DYDC2: variants seen among roughly 807,000 people sequenced by gnomAD.
DYDC2 encodes DPY30 domain-containing protein 2.
A neutral mutation model predicts 18.7 loss-of-function variants in DYDC2; 19 were observed. The observed-to-expected ratio is 1.02, with a 90% CI of 0.71 to 1.49. The LOEUF (loss-of-function observed/expected upper bound fraction) is 1.49. DYDC2 is among the 40% of genes most tolerant of loss of function. The probability of loss-of-function intolerance (pLI) is 0.00; values close to 1 mark genes in which losing one functional copy is unlikely to be tolerated. For synonymous variants in DYDC2, 63 were observed against 67.6 expected (o/e 0.93, Z 0.34); for missense variants, 179 against 205.1 (o/e 0.87, Z 0.78).
chr10:80,356,841 G>C lies in DYDC2; in HGVS notation c.-163+16G>C, dbSNP rs1251445947. On this transcript the variant is annotated intron_variant, in intron 1 of 4. Coordinates refer to ENST00000256039, the MANE Select transcript of DYDC2 (RefSeq NM_032372.6). ...GCGCGGATAGGTGAGCAGAGGGCACGCGGTGGGCAGCGAAGGGGGAACGCG... is the reference window on the plus strand; with the variant it reads ...GCGCGGATAGGTGAGCAGAGGGCACCCGGTGGGCAGCGAAGGGGGAACGCG... 1.0e-6 allele frequency: 1 copy of C among 985,782 alleles called. No homozygotes were observed. The highest frequency in any genetic ancestry group is 1.2e-6 in the Non-Finnish European group (1 of 830,496). 61.1% of individuals were successfully genotyped at this position (985,782 alleles called of 1,614,324 possible).
upstream of DYDC2, chr10:80,351,814 TG>T: frequency 3.4e-6 from 4 of 1,163,500 alleles, no homozygotes; most frequent in Non-Finnish European, 3.7e-6. Flanking sequence ...TAACTGGAGC[TG>T]GGAAGTTTAT....
upstream of DYDC2, among the ~76,000 whole-genome samples, chr10:80,354,940 T>C (rs1183748637): frequency 1.3e-5 from 2 of 151,970 alleles, no homozygotes; most frequent in South Asian, 2.1e-4. Flanking sequence ...ATGGAGCTTA[T>C]AGATGAGAAA....
Position 80,362,967 on chromosome 10 carries a change from T to A in DYDC2, c.164T>A (p.Ile55Asn). The change falls in exon 4 of 5, where the codon ATC becomes AAC. Residue 55 changes from isoleucine to asparagine, a missense_variant. Transcript: ENST00000256039. ...TCACCCCAGAATAGGGAAAAGAAGA[T>A]CCACCTGCAGGAGGAATATGACAGT... ...KAKEENREKK[I>N]HLQEEYDSSL... The A allele has an allele frequency of 2.5e-6, 4 of 1,613,466 alleles. No homozygotes were observed. The highest frequency in any genetic ancestry group is 3.4e-6 in the Non-Finnish European group (4 of 1,179,842).
intron 1 of DYDC2, among the ~76,000 whole-genome samples, chr10:80,349,494 T>G (rs1842861089): frequency 6.6e-6 from 1 of 152,216 alleles, no homozygotes; most frequent in Non-Finnish European, 1.5e-5. Flanking sequence ...AATAATAAAT[T>G]TTTACAAGTA....
At chr10:80,366,225 G>T in intron 4 of DYDC2, among the ~76,000 whole-genome samples, 1 of 151,876 alleles carries the variant, frequency 6.6e-6, no homozygotes, top group East Asian at 1.9e-4. Flanking sequence ...TAGAGACGGG[G>T]TTTCAGCATG....
chr10:80,353,351 A>G (rs992258985), upstream of DYDC2, among the ~76,000 whole-genome samples: 8 of 151,500 alleles, frequency 5.3e-5, no homozygotes, highest in Admixed American at 6.6e-5. Context: ...TTTAGTAGAG[A>G]CAGGGTTTCA....
At position 80,367,156 on chromosome 10, in the gene DYDC2, A is replaced by G. The variant is rs916693970; in HGVS notation, c.*205A>G. 5.4e-5 allele frequency: 31 copies of G among 573,376 alleles called. No individual in the cohort carries two copies. Among genetic ancestry groups the G allele is most frequent in the Middle Eastern group, 9.6e-4 (2 of 2,090 alleles). The allele number at this position is 573,376 out of a possible 1,614,324, so 35.5% of individuals were successfully genotyped here. A position where few individuals can be genotyped will look rare whatever the true frequency, so the allele number is the denominator to read the frequency against. On this transcript the variant is annotated 3_prime_UTR_variant, in exon 5 of 5. Coordinates refer to ENST00000256039, the MANE Select transcript of DYDC2 (RefSeq NM_032372.6). Reference sequence around the variant, plus strand: ...CTCAGAATAAGGATTTAAAATAAGTAACCAAGTGGCTGTGACTTTTTCCTC... The same window carrying G: ...CTCAGAATAAGGATTTAAAATAAGTGACCAAGTGGCTGTGACTTTTTCCTC...
chr10:80,347,712 C>T (rs1669993819), intron 1 of DYDC2, among the ~76,000 whole-genome samples: 1 of 152,136 alleles, frequency 6.6e-6, no homozygotes. Context: ...AAGAGACTAT[C>T]CTTTTCCCTT....
chr10:80,363,682 G>A (rs1028025528), intron 4 of DYDC2, among the ~76,000 whole-genome samples: 2 of 151,950 alleles, frequency 1.3e-5, no homozygotes, highest in African/African-American at 4.8e-5. Context: ...TATTCACTTG[G>A]AACAAATATT....
rs1369268808 is a variant in DYDC2 at position 80,367,265 on chromosome 10, C to T, written c.*314C>T. 9.2e-6 allele frequency: 2 copies of T among 218,494 alleles called. No individual in the cohort carries two copies. Among genetic ancestry groups the T allele is most frequent in the East Asian group, 1.1e-4 (1 of 9,404 alleles). The allele number at this position is 218,494 out of a possible 1,614,324, so 13.5% of individuals were successfully genotyped here. ...ACCCAACACCCGGCCATGGGGGCTA[C>T]AAAGTCCAGCCGAGTCAAAGGAAAG... On this transcript the variant is annotated 3_prime_UTR_variant, in exon 5 of 5. Coordinates refer to ENST00000256039, the MANE Select transcript of DYDC2 (RefSeq NM_032372.6).
At chr10:80,349,643 G>T (rs962847015) in intron 1 of DYDC2, among the ~76,000 whole-genome samples, 4 of 152,174 alleles carry the variant, frequency 2.6e-5, no homozygotes, top group Non-Finnish European at 4.4e-5. Flanking sequence ...TCAACTTTCA[G>T]ACATTGGTAG....
At chr10:80,345,494 C>T (rs1842559624) in intron 1 of DYDC2, among the ~76,000 whole-genome samples, 1 of 152,124 alleles carries the variant, frequency 6.6e-6, no homozygotes, top group Non-Finnish European at 1.5e-5. Context: ...GGCTATCATC[C>T]TCATGCTGTA....
rs138893122 is a variant in DYDC2, at chr10:80,365,869, C to A, written c.271-819C>A. Among the ~76,000 whole-genome samples, 311 of 152,202 alleles carry A rather than the reference C, an allele frequency of 2.0e-3. 2 individuals carry two copies. The highest frequency in any genetic ancestry group is 7.1e-3 in the African/African-American group (296 of 41,524). ...ATTGTACTTTTCATTTATAGAATTT[C>A]TATTTAGTTTTTTAAATATAATTCT... On this transcript the variant is annotated intron_variant, in intron 4 of 4. Coordinates refer to ENST00000256039, the MANE Select transcript of DYDC2 (RefSeq NM_032372.6).
intron 3 of DYDC2, 33 bp downstream of exon 3, chr10:80,362,623 C>A (rs770069648): frequency 7.7e-6 from 12 of 1,563,076 alleles, no homozygotes; most frequent in Non-Finnish European, 1.0e-5. Flanking sequence ...AGGGAGGGCC[C>A]AGCTTTCCCA....
Position 80,367,032 on chromosome 10 carries a change from G to A in DYDC2, c.*81G>A. The A allele has an allele frequency of 6.6e-7, 1 of 1,520,700 alleles. No individual in the cohort carries two copies. Among genetic ancestry groups the A allele is most frequent in the Non-Finnish European group, 8.8e-7 (1 of 1,139,842 alleles). The allele number at this position is 1,520,700 out of a possible 1,614,324, so 94.2% of individuals were successfully genotyped here. On this transcript the variant is annotated 3_prime_UTR_variant, in exon 5 of 5. Transcript: ENST00000256039. ...ATGGCCAGCTAGAACCAAGATTTAA[G>A]GGGCTGTAAAAGGCAAGTTCAGGGA... is the stretch of plus-strand genomic sequence containing the variant.
upstream of DYDC2, among the ~76,000 whole-genome samples, chr10:80,355,476 C>T (rs943214444): frequency 1.4e-4 from 22 of 152,188 alleles, no homozygotes; most frequent in African/African-American, 5.1e-4. Flanking sequence ...ATCAATCTTG[C>T]TTCTTGGATC....
In DYDC2 at chr10:80,366,668, CT is replaced by C; in HGVS notation, c.271-14del. The C allele has an allele frequency of 6.3e-7, 1 of 1,577,420 alleles. No homozygotes were observed. Among genetic ancestry groups the C allele is most frequent in the Non-Finnish European group, 8.6e-7 (1 of 1,163,222 alleles). ...TTAGTCTCTAATAATAAGTTTTCGG[CT>C]TTTTTGTTTTCTATTTAGGAACTGA... is the stretch of plus-strand genomic sequence containing the variant. On this transcript the variant is annotated intron_variant, in intron 4 of 4. Coordinates refer to ENST00000256039, the MANE Select transcript of DYDC2 (RefSeq NM_032372.6).
upstream of DYDC2, chr10:80,352,044 G>A (rs752121044): frequency 4.4e-6 from 7 of 1,591,308 alleles, no homozygotes; most frequent in East Asian, 1.3e-4. Flanking sequence ...TTCTTAGCGA[G>A]AAAGCAATTT....
upstream of DYDC2, chr10:80,352,604 C>T (rs764456013): frequency 1.3e-6 from 2 of 1,596,566 alleles, no homozygotes; most frequent in African/African-American, 2.7e-5. Flanking sequence ...GACTCCATTT[C>T]TAACTCCTAA....
Sources: allele counts gnomAD v4.1 joint callset (sites outside exome capture counted in the v4.1 genomes callset), GRCh38; gene constraint gnomAD v4.1.1; transcripts MANE v1.5; gene names NCBI Gene and HGNC (gene_info 2026-07-23, HGNC 2026-07-21).